Variants in CHN1 observed in about 807,000 individuals in gnomAD.
CHN1 encodes N-chimaerin.
Under a neutral mutation model 59.5 loss-of-function variants are expected in CHN1, and 37 were observed. That is an observed-to-expected ratio of 0.62 (90% CI 0.48 to 0.82). The LOEUF (loss-of-function observed/expected upper bound fraction) is 0.82, where lower values mean the gene tolerates loss of function less well. CHN1 is among the 40% of genes least tolerant of loss of function. The probability of loss-of-function intolerance (pLI) is 0.00; values close to 1 mark genes in which losing one functional copy is unlikely to be tolerated. For missense variants in CHN1, 469 were observed against 571.0 expected, an observed-to-expected ratio of 0.82 and a Z score of 1.82; for synonymous variants, 206 against 200.4, an observed-to-expected ratio of 1.03 and a Z score of -0.24.
At chr2:174,966,638 A>G (rs1199904447) in intron 1 of CHN1, among the ~76,000 whole-genome samples, 1 of 152,216 alleles carries the variant, frequency 6.6e-6, no homozygotes, top group African/African-American at 2.4e-5. Context: ...TATACTCCTG[A>G]AAACAAAAAG....
At chr2:174,885,762 C>T (rs1002004202) in intron 5 of CHN1, among the ~76,000 whole-genome samples, 4 of 152,132 alleles carry the variant, frequency 2.6e-5, no homozygotes, top group Non-Finnish European at 4.4e-5. Flanking sequence ...TGAGCCTGGC[C>T]TACAAACAAC....
chr2:174,842,982 A>AGT (rs1686366266), intron 7 of CHN1, among the ~76,000 whole-genome samples: 1 of 152,200 alleles, frequency 6.6e-6, no homozygotes. Flanking sequence ...TTAAAAAATT[A>AGT]AACTCATATT....
rs1574039428 is a variant in CHN1, at chr2:174,808,925, G to A, written c.1082C>T (p.Pro361Leu). The A allele has an allele frequency of 1.9e-5, 31 of 1,613,724 alleles. No individual in the cohort carries two copies. The highest frequency in any genetic ancestry group is 2.5e-5 in the Non-Finnish European group (30 of 1,179,748). ...PIPLITYDAY[P>L]KFIESAKIMD... Reference sequence around the variant, plus strand: ...CTTACTGGCAGATTCTATAAACTTAGGGTAGGCATCATATGTAATGAGTGG... The same window carrying A: ...CTTACTGGCAGATTCTATAAACTTAAGGTAGGCATCATATGTAATGAGTGG... Residue 361 changes from proline to leucine, a missense_variant, in exon 11 of 13, where the codon CCT (proline) becomes CTT (leucine). Around this residue, in one of 5 missense-constraint regions of CHN1, gnomAD observed 225 missense variants for 289.9 expected, o/e 0.78. Coordinates refer to ENST00000409900, the MANE Select transcript of CHN1 (RefSeq NM_001822.7).
intron 5 of CHN1, among the ~76,000 whole-genome samples, chr2:174,895,032 TACACACACACACGCGCGCAC>T (rs1475939129): frequency 3.4e-4 from 49 of 144,950 alleles, no homozygotes; most frequent in Admixed American, 2.5e-3. Flanking sequence ...ACATAGTATA[TACACACACACACGCGCGCAC>T]ACACACACAC....
intron 5 of CHN1, among the ~76,000 whole-genome samples, chr2:174,893,988 T>C (rs908210890): frequency 3.3e-5 from 5 of 152,060 alleles, no homozygotes; most frequent in East Asian, 1.9e-4. Flanking sequence ...AAGACCTAAA[T>C]AGAAGACCTG....
intron 1 of CHN1, among the ~76,000 whole-genome samples, chr2:174,959,050 ATTCTTTTAATAT>A (rs774285613): frequency 4.4e-4 from 67 of 152,224 alleles, no homozygotes; most frequent in African/African-American, 1.3e-3. Context: ...TTCTTTTAAT[ATTCTTTTAATAT>A]TTCTTTTAAT....
In CHN1 at chr2:174,966,426, G is replaced by A. The variant is rs181095664; in HGVS notation, c.20-14224C>T. 5.5e-3 allele frequency among the ~76,000 whole-genome samples: 828 copies of A among 151,896 alleles called. 5 individuals are homozygous for A. The highest frequency in any genetic ancestry group is 0.021 in the Middle Eastern group (6 of 290). On this transcript the variant is annotated intron_variant, in intron 1 of 12. Coordinates refer to ENST00000409900, the MANE Select transcript of CHN1 (RefSeq NM_001822.7). ...TCACAGAAAAAAATATTTTGTAAATGCAGTGCTCAATTCCTGACCACGGAC... is the reference window on the plus strand; with the variant it reads ...TCACAGAAAAAAATATTTTGTAAATACAGTGCTCAATTCCTGACCACGGAC...
At chr2:174,863,945 T>G (rs1261617714) in intron 6 of CHN1, among the ~76,000 whole-genome samples, 1 of 152,172 alleles carries the variant, frequency 6.6e-6, no homozygotes, top group Non-Finnish European at 1.5e-5. Flanking sequence ...TTTAAAGTTT[T>G]ATTCTACTTA....
chr2:174,956,293 A>G (rs958620500), intron 1 of CHN1, among the ~76,000 whole-genome samples: 2 of 152,210 alleles, frequency 1.3e-5, no homozygotes, highest in Non-Finnish European at 2.9e-5. Context: ...CAGAAAAACA[A>G]CAAATGAGAG....
chr2:174,832,090 C>A (rs1191690153), intron 7 of CHN1, among the ~76,000 whole-genome samples: 1 of 152,082 alleles, frequency 6.6e-6, no homozygotes, highest in Non-Finnish European at 1.5e-5. Context: ...TATTTCCACA[C>A]AACCAGGTTT....
Position 174,848,751 on chromosome 2 carries a change from C to A in CHN1, c.550-1794G>T, listed in dbSNP as rs149520819. On this transcript the variant is annotated intron_variant, in intron 6 of 12. Transcript: ENST00000409900. ...TTTTTGTTTACTTCAGTCTTTAGTC[C>A]CTTTTATTTTTCTAAAATTATGTCT... 5.9e-5 allele frequency among the ~76,000 whole-genome samples: 9 copies of A among 152,050 alleles called. No homozygotes were observed. The East Asian group carries it at 1.5e-3, about 26-fold the overall frequency.
intron 6 of CHN1, among the ~76,000 whole-genome samples, chr2:174,872,248 C>T (rs189800704): frequency 6.6e-6 from 1 of 152,286 alleles, no homozygotes; most frequent in Admixed American, 6.5e-5. Flanking sequence ...TGCATCAATG[C>T]ACTCCTGTCT....
chr2:175,000,168 TCTCA>T (rs1691843395), intron 1 of CHN1, among the ~76,000 whole-genome samples: 1 of 130,972 alleles, frequency 7.6e-6, no homozygotes, highest in Admixed American at 8.6e-5. Flanking sequence ...TGAGATGGAG[TCTCA>T]CTCTGTTGCC....
At chr2:174,900,634 C>A (rs1403435689) in intron 5 of CHN1, among the ~76,000 whole-genome samples, 1 of 151,964 alleles carries the variant, frequency 6.6e-6, no homozygotes, top group Admixed American at 6.6e-5. Flanking sequence ...GGTGAAACTG[C>A]GTCTCTACTA....
intron 5 of CHN1, among the ~76,000 whole-genome samples, chr2:174,892,563 T>C (rs1688086253): frequency 6.6e-6 from 1 of 152,194 alleles, no homozygotes; most frequent in African/African-American, 2.4e-5. Flanking sequence ...TGTATTTTGT[T>C]ACAGCAGCAC....
intron 5 of CHN1, among the ~76,000 whole-genome samples, chr2:174,879,387 C>T (rs35440342): frequency 0.12 from 17,566 of 152,150 alleles, 1,026 homozygotes; most frequent in Admixed American, 0.13. Flanking sequence ...TAGAATCCAA[C>T]GTACTATCCA....
intron 1 of CHN1, among the ~76,000 whole-genome samples, chr2:175,001,675 G>A (rs1691893896): frequency 6.6e-6 from 1 of 152,188 alleles, no homozygotes; most frequent in African/African-American, 2.4e-5. Flanking sequence ...CATTATTCAA[G>A]GTTCAGCCAG....
intron 3 of CHN1, among the ~76,000 whole-genome samples, chr2:174,939,239 C>G (rs1574189271): frequency 6.6e-6 from 1 of 152,294 alleles, no homozygotes; most frequent in East Asian, 1.9e-4. Flanking sequence ...GGTGAATCAT[C>G]AGAAAGCTAT....
At chr2:174,979,911 G>C (rs1691085558) in intron 1 of CHN1, among the ~76,000 whole-genome samples, 1 of 151,448 alleles carries the variant, frequency 6.6e-6, no homozygotes, top group Non-Finnish European at 1.5e-5. Context: ...AAAACAAAAA[G>C]ATGTACACAG....
Sources: gnomAD v4.1 joint callset for allele counts (sites outside exome capture counted in the v4.1 genomes callset) on GRCh38, gnomAD v4.1.1 for gene constraint, gnomAD v4.1.1 regional missense constraint, MANE v1.5 for transcripts, NCBI Gene and HGNC (gene_info 2026-07-23, HGNC 2026-07-21) for gene names.